Variants in SMAD9 observed in about 807,000 individuals in gnomAD.
SMAD9 encodes SMAD family member 9.
Under a neutral mutation model 46.1 loss-of-function variants are expected in SMAD9, and 36 were observed. The ratio of observed to expected loss-of-function variants is 0.78; its 90% CI spans 0.60 to 1.03. SMAD9 has a LOEUF of 1.03. SMAD9 is among the 50% of genes least tolerant of loss of function. SMAD9 has a pLI of 0.00. For missense variants in SMAD9, 572 were observed against 599.8 expected (o/e 0.95, Z 0.48); for synonymous variants, 245 against 237.1 (o/e 1.03, Z -0.31).
rs623378 is a variant in SMAD9, at chr13:36,900,753, T to A, written c.-187+19363A>T. 7.1e-3 allele frequency among the ~76,000 whole-genome samples: 1,079 copies of A among 151,612 alleles called. 12 individuals are homozygous for A. Among genetic ancestry groups the A allele is most frequent in the African/African-American group, 0.025 (1,038 of 41,316 alleles). On this transcript the variant is annotated intron_variant, in intron 1 of 6. Transcript: ENST00000379826. ...TAAATGTAAATTATTTTACTTATTT[T>A]AAAAAAATTATTAAAGTGAAATGCA...
At chr13:36,908,000 C>G (rs2058632284) in intron 1 of SMAD9, among the ~76,000 whole-genome samples, 1 of 152,218 alleles carries the variant, frequency 6.6e-6, no homozygotes. Context: ...CTCTGAAGGA[C>G]AGCCAGTCCC....
rs578049648 is a variant in SMAD9 at position 36,920,184 on chromosome 13, A to AGCAGCG, written c.-261_-256dup. On this transcript the variant is annotated 5_prime_UTR_variant, in exon 1 of 7. Coordinates refer to ENST00000379826, the MANE Select transcript of SMAD9 (RefSeq NM_001127217.3). The stretch of plus-strand genomic sequence containing the variant: ...CGGCGGGGACCGAGACAGCGGCTGC[A>AGCAGCG]GCAGCGGCGGCGGCGGCGGCGGCGG... 0.019 allele frequency: 1,413 copies of AGCAGCG among 73,142 alleles called. 27 individuals are homozygous for AGCAGCG. The highest frequency in any genetic ancestry group is 0.043 in the African/African-American group (1,347 of 31,608). The allele number at this position is 73,142 out of a possible 1,614,324, so 4.5% of individuals were successfully genotyped here. A position where few individuals can be genotyped will look rare whatever the true frequency, so the allele number is the denominator to read the frequency against.
At chr13:36,892,550 T>G (rs187292604) in intron 1 of SMAD9, among the ~76,000 whole-genome samples, 260 of 152,284 alleles carry the variant, frequency 1.7e-3, no homozygotes, top group African/African-American at 5.9e-3. Flanking sequence ...TTGTATAAAT[T>G]TAACCATCAT....
intron 2 of SMAD9, among the ~76,000 whole-genome samples, chr13:36,876,399 G>A (rs1265273080): frequency 6.6e-6 from 1 of 152,146 alleles, no homozygotes; most frequent in Non-Finnish European, 1.5e-5. Context: ...CCAGAACTGT[G>A]CCAGGTAAAG....
intron 5 of SMAD9, among the ~76,000 whole-genome samples, chr13:36,858,508 A>G (rs2058148019): frequency 6.6e-6 from 1 of 152,200 alleles, no homozygotes; most frequent in African/African-American, 2.4e-5. Flanking sequence ...GTTTCTCAGG[A>G]CAACATGATA....
rs140470981 is a variant in SMAD9, at chr13:36,873,076, G to A, written c.413-161C>T. The stretch of plus-strand genomic sequence containing the variant: ...TCTTTGTGCTCATCATAAAACTGTC[G>A]ATTAAGTCCCCATCTCCACCTAAGA... On this transcript the variant is annotated intron_variant, in intron 2 of 6. Transcript: ENST00000379826. 1.4e-4 allele frequency among the ~76,000 whole-genome samples: 21 copies of A among 152,176 alleles called. 1 individual carries two copies. Among genetic ancestry groups the A allele is most frequent in the Non-Finnish European group, 2.9e-4 (20 of 68,012 alleles).
chr13:36,897,729 T>G (rs1182660469), intron 1 of SMAD9, among the ~76,000 whole-genome samples: 1 of 152,112 alleles, frequency 6.6e-6, no homozygotes, highest in African/African-American at 2.4e-5. Context: ...GTAAAAAAGG[T>G]ATAATGCATT....
chr13:36,848,578 C>A lies in SMAD9; in HGVS notation c.*98G>T. ...GAACAGTATACATTCTATGTATTTA[C>A]ACATGTTTTTAGAAACTTCAGTTGC... On this transcript the variant is annotated 3_prime_UTR_variant, in exon 7 of 7. Transcript: ENST00000379826. 6.2e-6 allele frequency: 7 copies of A among 1,129,904 alleles called. No individual in the cohort carries two copies. In the South Asian group the frequency reaches 7.4e-5, roughly 12 times the overall value. The allele number at this position is 1,129,904 out of a possible 1,614,324, so 70.0% of individuals were successfully genotyped here.
chr13:36,911,492 G>C (rs938512714), intron 1 of SMAD9, among the ~76,000 whole-genome samples: 1 of 151,812 alleles, frequency 6.6e-6, no homozygotes, highest in African/African-American at 2.4e-5. Flanking sequence ...CTGAATACTT[G>C]TAAAGTATTA....
chr13:36,898,461 AAAAAG>A (rs1358968300), intron 1 of SMAD9, among the ~76,000 whole-genome samples: 2 of 152,164 alleles, frequency 1.3e-5, no homozygotes, highest in Non-Finnish European at 2.9e-5. Context: ...TATTAGAAAA[AAAAAG>A]AAAACACAAA....
intron 3 of SMAD9, 30 bp from the exon 4 acceptor site, chr13:36,867,413 G>A (rs746685277): frequency 9.9e-6 from 14 of 1,409,596 alleles, no homozygotes; most frequent in Non-Finnish European, 1.3e-5. Context: ...CAAAGGAATT[G>A]TCAAATCGAT....
intron 2 of SMAD9, among the ~76,000 whole-genome samples, chr13:36,878,689 A>C (rs2058370684): frequency 6.6e-6 from 1 of 152,170 alleles, no homozygotes; most frequent in Admixed American, 6.5e-5. Flanking sequence ...GTAGCAGCCA[A>C]AAACCCTGCC....
chr13:36,862,733 TTTC>T (rs2058194579), intron 5 of SMAD9, among the ~76,000 whole-genome samples: 1 of 152,250 alleles, frequency 6.6e-6, no homozygotes, highest in Non-Finnish European at 1.5e-5. Flanking sequence ...CCCCAAATTC[TTTC>T]TTGTGTGAGT....
At chr13:36,905,181 A>G (rs1487648739) in intron 1 of SMAD9, among the ~76,000 whole-genome samples, 1 of 152,174 alleles carries the variant, frequency 6.6e-6, no homozygotes, top group Non-Finnish European at 1.5e-5. Context: ...GTTGGAGGAC[A>G]GTCCTGAGAA....
intron 5 of SMAD9, among the ~76,000 whole-genome samples, chr13:36,859,518 AGTAACCTCTG>A (rs1409625683): frequency 2.0e-5 from 3 of 152,242 alleles, no homozygotes; most frequent in Non-Finnish European, 2.9e-5. Flanking sequence ...TGGCGATGAG[AGTAACCTCTG>A]GTCATTCTCA....
intron 1 of SMAD9, among the ~76,000 whole-genome samples, chr13:36,912,440 C>A (rs1212670469): frequency 1.3e-5 from 2 of 152,134 alleles, no homozygotes; most frequent in Admixed American, 1.3e-4. Flanking sequence ...ACTATTGAGA[C>A]AGCAATCTAA....
intron 1 of SMAD9, among the ~76,000 whole-genome samples, chr13:36,917,554 T>C (rs2058708243): frequency 6.6e-6 from 1 of 151,738 alleles, no homozygotes; most frequent in African/African-American, 2.4e-5. Context: ...GTTTCCCGTT[T>C]CTTTAACTCC....
intron 2 of SMAD9, among the ~76,000 whole-genome samples, chr13:36,877,033 A>G (rs922182849): frequency 2.6e-5 from 4 of 152,174 alleles, no homozygotes; most frequent in African/African-American, 7.2e-5. Flanking sequence ...TATGTAAAAC[A>G]CTCACACTAT....
chr13:36,897,097 CA>C (rs1272385439), intron 1 of SMAD9, among the ~76,000 whole-genome samples: 3 of 152,146 alleles, frequency 2.0e-5, no homozygotes, highest in Non-Finnish European at 2.9e-5. Flanking sequence ...TCCCTCTAGT[CA>C]TCAGTAAATC....
Sources: allele counts gnomAD v4.1 joint callset (sites outside exome capture counted in the v4.1 genomes callset), GRCh38; gene constraint gnomAD v4.1.1; transcripts MANE v1.5; gene names NCBI Gene and HGNC (gene_info 2026-07-23, HGNC 2026-07-21).